ELL: variants seen among roughly 807,000 people sequenced by gnomAD.
ELL encodes RNA polymerase II elongation factor ELL.
In ELL, 18 loss-of-function variants were observed where a neutral mutation model predicts 64.0. The observed-to-expected ratio is 0.28, with a 90% CI of 0.19 to 0.42. The LOEUF (loss-of-function observed/expected upper bound fraction) is 0.42, where lower values mean the gene tolerates loss of function less well. Ranked by LOEUF, ELL falls within the 10% of genes least tolerant of loss-of-function variation. The probability of loss-of-function intolerance (pLI) is 1.00; values close to 1 mark genes in which losing one functional copy is unlikely to be tolerated. For missense variants in ELL, 797 were observed against 870.4 expected, an observed-to-expected ratio of 0.92 and a Z score of 1.06; for synonymous variants, 399 against 376.2, an observed-to-expected ratio of 1.06 and a Z score of -0.70.
At chr19:18,484,095 C>G (rs1975362073) in intron 1 of ELL, among the ~76,000 whole-genome samples, 1 of 152,264 alleles carries the variant, frequency 6.6e-6, no homozygotes, top group African/African-American at 2.4e-5. Flanking sequence ...TCAGGCCCCT[C>G]TGTCCCCTCT....
chr19:18,492,101 C>T (rs1489948811), intron 1 of ELL, among the ~76,000 whole-genome samples: 1 of 152,112 alleles, frequency 6.6e-6, no homozygotes, highest in Non-Finnish European at 1.5e-5. Flanking sequence ...TTTGTACTGG[C>T]TCCTGGCTCT....
chr19:18,510,077 C>A (rs1975984714), intron 1 of ELL, among the ~76,000 whole-genome samples: 1 of 152,202 alleles, frequency 6.6e-6, no homozygotes, highest in Non-Finnish European at 1.5e-5. Context: ...TTACAGAAAC[C>A]CATGTCCCAG....
At chr19:18,477,554 C>T (rs1975203030) in intron 1 of ELL, among the ~76,000 whole-genome samples, 1 of 152,198 alleles carries the variant, frequency 6.6e-6, no homozygotes, top group Admixed American at 6.5e-5. Flanking sequence ...ACAACAGTCG[C>T]CCCAAGTGCC....
At chr19:18,499,555 C>T (rs1975736727) in intron 1 of ELL, among the ~76,000 whole-genome samples, 1 of 152,196 alleles carries the variant, frequency 6.6e-6, no homozygotes, top group Non-Finnish European at 1.5e-5. Flanking sequence ...TGTAGACTTC[C>T]CAGGGTTGGG....
intron 1 of ELL, among the ~76,000 whole-genome samples, chr19:18,480,836 G>A (rs1342396255): frequency 6.6e-6 from 1 of 152,070 alleles, no homozygotes; most frequent in Non-Finnish European, 1.5e-5. Flanking sequence ...GTTTTGCCAT[G>A]TTGCCCAGGC....
intron 1 of ELL, among the ~76,000 whole-genome samples, chr19:18,484,938 C>T (rs1375194347): frequency 1.3e-5 from 2 of 152,210 alleles, no homozygotes; most frequent in Non-Finnish European, 2.9e-5. Context: ...CTGATCACAT[C>T]TGACAATGGA....
chr19:18,507,154 C>A (rs1323262919), intron 1 of ELL, among the ~76,000 whole-genome samples: 2 of 152,234 alleles, frequency 1.3e-5, no homozygotes, highest in African/African-American at 4.8e-5. Flanking sequence ...CGTCTGAGAG[C>A]ATCCAACTCC....
At position 18,458,293 on chromosome 19, in the gene ELL, G is replaced by C; in HGVS notation, c.781C>G (p.Leu261Val). ...ACATCCTTGTACATGCAGTCCTGCA[G>C]TGTACACGTGCCGTCCTTAGCACTC... Reference protein sequence around the residue: ...NMSAKDGTCTLQDCMYKDVQK... With the variant: ...NMSAKDGTCTVQDCMYKDVQK... The change falls in exon 6 of 12, where the codon CTG (leucine) becomes GTG (valine). Residue 261 changes from leucine to valine, a missense_variant. Physicochemically the swap from Leu to Val is conservative, Grantham distance 32. Transcript: ENST00000262809. 1 of 1,613,422 alleles carries C rather than the reference G, an allele frequency of 6.2e-7. No homozygotes were observed.
chr19:18,458,403 A>G (rs566543013), intron 5 of ELL, 74 bp from the exon 6 acceptor site: 2 of 1,565,252 alleles, frequency 1.3e-6, no homozygotes, highest in Non-Finnish European at 1.7e-6. Context: ...AAGATCTGAT[A>G]GTGGGTTTGG....
chr19:18,503,946 G>C (rs767272660), intron 1 of ELL, among the ~76,000 whole-genome samples: 8 of 152,182 alleles, frequency 5.3e-5, no homozygotes, highest in Non-Finnish European at 1.0e-4. Flanking sequence ...CCAGACGCTA[G>C]GTCTGACCCC....
rs74989942 is a variant in ELL, at chr19:18,493,560, C to G, written c.136-20678G>C. On this transcript the variant is annotated intron_variant, in intron 1 of 11. Transcript: ENST00000262809. ...GACATGAACATGGTGTACTCTCAAC[C>G]TCTGACCCATACCGGCAACCCGACA... is the stretch of plus-strand genomic sequence containing the variant. Among the ~76,000 whole-genome samples the G allele has an allele frequency of 4.2e-3, 642 of 152,360 alleles. 6 individuals carry two copies. Among genetic ancestry groups the G allele is most frequent in the African/African-American group, 0.014 (596 of 41,580 alleles).
chr19:18,485,201 T>C (rs1975383473), intron 1 of ELL, among the ~76,000 whole-genome samples: 2 of 152,102 alleles, frequency 1.3e-5, no homozygotes, highest in Non-Finnish European at 2.9e-5. Flanking sequence ...ATGGGACTAT[T>C]TGGAGCCCAG....
intron 1 of ELL, among the ~76,000 whole-genome samples, chr19:18,493,352 G>T (rs944038172): frequency 1.3e-5 from 2 of 152,248 alleles, no homozygotes; most frequent in Non-Finnish European, 2.9e-5. Flanking sequence ...GCCCTGAGGG[G>T]CTTGCCCTGG....
At chr19:18,459,551 G>A (rs925176495) in intron 5 of ELL, among the ~76,000 whole-genome samples, 23 of 122,582 alleles carry the variant, frequency 1.9e-4, no homozygotes, top group Admixed American at 1.2e-3. Flanking sequence ...ATGGAGTCTC[G>A]CTCAGTTGCC....
At chr19:18,454,840 C>CAAAA (rs563546343) in intron 6 of ELL, among the ~76,000 whole-genome samples, 723 of 56,480 alleles carry the variant, frequency 0.013, 34 homozygotes, top group East Asian at 0.043. Context: ...GACTCAGTCT[C>CAAAA]AAAAAAAAAA....
At chr19:18,454,840 C>CAAAAGAAAAAAAAAAAAAAA (rs1974622048) in intron 6 of ELL, among the ~76,000 whole-genome samples, 1 of 56,512 alleles carries the variant, frequency 1.8e-5, no homozygotes, top group African/African-American at 7.1e-5. Flanking sequence ...GACTCAGTCT[C>CAAAAGAAAAAAAAAAAAAAA]AAAAAAAAAA....
intron 1 of ELL, among the ~76,000 whole-genome samples, chr19:18,513,681 C>T (rs1356708216): frequency 6.6e-6 from 1 of 152,188 alleles, no homozygotes; most frequent in Non-Finnish European, 1.5e-5. Flanking sequence ...CCTGTAATCC[C>T]AGCACTTTGG....
intron 1 of ELL, among the ~76,000 whole-genome samples, chr19:18,520,046 C>T (rs969223307): frequency 3.9e-5 from 6 of 152,254 alleles, no homozygotes; most frequent in African/African-American, 1.4e-4. Flanking sequence ...GTTACCTTCA[C>T]CCTAACATGA....
chr19:18,461,501 T>A (rs776515074), intron 5 of ELL, 77 bp downstream of exon 5: 1 of 1,530,264 alleles, frequency 6.5e-7, no homozygotes, highest in Non-Finnish European at 8.8e-7. Flanking sequence ...CCAGTCTCCA[T>A]GCTCTGGCCC....
Sources: allele counts gnomAD v4.1 joint callset (sites outside exome capture counted in the v4.1 genomes callset), GRCh38; gene constraint gnomAD v4.1.1; transcripts MANE v1.5; gene names NCBI Gene and HGNC (gene_info 2026-07-23, HGNC 2026-07-21).